The following CLSTN2 variants were observed in gnomAD, a reference collection of about 807,000 sequenced individuals.
CLSTN2 encodes the protein calsyntenin 2, also known as calsyntenin-2.
CLSTN2 carries 48 observed loss-of-function variants against 101.2 expected under a neutral mutation model. That is an observed-to-expected ratio of 0.47 (90% CI 0.38 to 0.60). The LOEUF is 0.60. Among genes scored for constraint, CLSTN2 ranks in the 20% least tolerant of loss-of-function variants. The pLI, the probability that CLSTN2 is intolerant of heterozygous loss-of-function variation, is 0.00. For synonymous variants in CLSTN2, 481 were observed against 463.6 expected (o/e 1.04, Z -0.48); for missense variants, 1,160 against 1,238.2 (o/e 0.94, Z 0.95).
At chr3:140,237,440 T>C (rs140300912) in intron 2 of CLSTN2, among the ~76,000 whole-genome samples, 268 of 152,278 alleles carry the variant, frequency 1.8e-3, no homozygotes, top group Non-Finnish European at 3.2e-3. Context: ...TGATCAGAGC[T>C]CAAGGACTTG....
At chr3:140,355,592 C>A (rs139935851) in intron 2 of CLSTN2, among the ~76,000 whole-genome samples, 22 of 152,280 alleles carry the variant, frequency 1.4e-4, no homozygotes, top group Non-Finnish European at 2.9e-4. Flanking sequence ...ATTGGAGCAT[C>A]CCAGGAAGTG....
intron 1 of CLSTN2, among the ~76,000 whole-genome samples, chr3:140,080,919 A>G (rs992516635): frequency 2.6e-5 from 4 of 152,278 alleles, no homozygotes; most frequent in Admixed American, 1.3e-4. Flanking sequence ...CTTACCAGCT[A>G]TGGGACACTG....
At chr3:140,096,963 G>A (rs901904840) in intron 1 of CLSTN2, among the ~76,000 whole-genome samples, 2 of 152,110 alleles carry the variant, frequency 1.3e-5, no homozygotes, top group Non-Finnish European at 2.9e-5. Flanking sequence ...AACTCTGAGT[G>A]GGCAAATTCC....
intron 1 of CLSTN2, among the ~76,000 whole-genome samples, chr3:140,027,901 T>C (rs745495165): frequency 6.6e-6 from 1 of 152,236 alleles, no homozygotes; most frequent in Non-Finnish European, 1.5e-5. Flanking sequence ...TTGGGGATAC[T>C]GGTTTGCCAC....
At chr3:140,017,375 G>A (rs2007222699) in intron 1 of CLSTN2, among the ~76,000 whole-genome samples, 1 of 152,242 alleles carries the variant, frequency 6.6e-6, no homozygotes, top group African/African-American at 2.4e-5. Flanking sequence ...TTGAAAGCAA[G>A]GAGAATGGGT....
intron 2 of CLSTN2, among the ~76,000 whole-genome samples, chr3:140,346,795 G>T (rs2087550930): frequency 6.6e-6 from 1 of 152,190 alleles, no homozygotes; most frequent in African/African-American, 2.4e-5. Flanking sequence ...TGGGAGGAGT[G>T]TGGGAATGGA....
chr3:140,085,119 T>A (rs1174249228), intron 1 of CLSTN2, among the ~76,000 whole-genome samples: 1 of 152,238 alleles, frequency 6.6e-6, no homozygotes, highest in African/African-American at 2.4e-5. Flanking sequence ...GCACAGTTAA[T>A]TGAGGGTTGA....
At chr3:140,173,190 C>T (rs1354397307) in intron 1 of CLSTN2, among the ~76,000 whole-genome samples, 9 of 152,168 alleles carry the variant, frequency 5.9e-5, no homozygotes, top group Non-Finnish European at 1.2e-4. Context: ...TAAATACAAC[C>T]GTTCCAAATG....
intron 1 of CLSTN2, among the ~76,000 whole-genome samples, chr3:140,067,888 G>GT (rs1200349390): frequency 6.6e-6 from 1 of 152,136 alleles, no homozygotes; most frequent in African/African-American, 2.4e-5. Flanking sequence ...TGTGCATTAG[G>GT]TTACTGTCTC....
intron 4 of CLSTN2, among the ~76,000 whole-genome samples, chr3:140,417,543 C>T (rs1244210317): frequency 1.1e-4 from 17 of 151,884 alleles, no homozygotes; most frequent in African/African-American, 2.9e-4. Context: ...CCCCACTCTC[C>T]GAGTTTAAAA....
At chr3:140,186,653 A>G (rs999542476) in intron 2 of CLSTN2, among the ~76,000 whole-genome samples, 2 of 152,274 alleles carry the variant, frequency 1.3e-5, no homozygotes, top group African/African-American at 2.4e-5. Context: ...TTACTTCTTT[A>G]TGAGCTATCC....
At chr3:140,312,076 A>T (rs1330239667) in intron 2 of CLSTN2, among the ~76,000 whole-genome samples, 1 of 152,184 alleles carries the variant, frequency 6.6e-6, no homozygotes. Context: ...CATGCAGTAT[A>T]GGGATATCTT....
At chr3:140,000,210 T>C (rs1035261072) in intron 1 of CLSTN2, among the ~76,000 whole-genome samples, 2 of 152,166 alleles carry the variant, frequency 1.3e-5, no homozygotes, top group Non-Finnish European at 2.9e-5. Context: ...GTGTAAAAGG[T>C]TCCTGACATA....
At chr3:140,485,579 C>T (rs546258707) in intron 8 of CLSTN2, among the ~76,000 whole-genome samples, 1 of 152,174 alleles carries the variant, frequency 6.6e-6, no homozygotes, top group Non-Finnish European at 1.5e-5. Flanking sequence ...GCAGGCAGGC[C>T]TCCTTGAGCT....
chr3:140,244,997 G>T (rs998379206), intron 2 of CLSTN2, among the ~76,000 whole-genome samples: 1 of 152,216 alleles, frequency 6.6e-6, no homozygotes, highest in Non-Finnish European at 1.5e-5. Flanking sequence ...GGAAGTGGAG[G>T]TGTGCACAGT....
At chr3:140,133,621 T>G (rs1560104995) in intron 1 of CLSTN2, among the ~76,000 whole-genome samples, 1 of 152,030 alleles carries the variant, frequency 6.6e-6, no homozygotes, top group African/African-American at 2.4e-5. Flanking sequence ...ATTGCAGAGG[T>G]GGGGGGGCCA....
At chr3:140,386,892 G>T (rs1246531135) in intron 2 of CLSTN2, among the ~76,000 whole-genome samples, 1 of 152,166 alleles carries the variant, frequency 6.6e-6, no homozygotes, top group South Asian at 2.1e-4. Context: ...TGGAGTATGC[G>T]CCTGTGCCCT....
chr3:140,551,016 C>T (rs1166960953), intron 10 of CLSTN2, among the ~76,000 whole-genome samples: 4 of 152,006 alleles, frequency 2.6e-5, no homozygotes, highest in Admixed American at 2.0e-4. Flanking sequence ...CCCTACTTCT[C>T]ACAACAAATT....
chr3:140,404,408 A>C lies in CLSTN2; in HGVS notation c.429-150A>C, dbSNP rs559321813. ...AAGTAGAGAGTCTCCAGTGAGAGGG[A>C]GGATGGGACACTCAGACAACTGCCA... is the stretch of plus-strand genomic sequence containing the variant. On this transcript the variant is annotated intron_variant, in intron 3 of 16. Transcript: ENST00000458420. 7.4e-6 allele frequency: 5 copies of C among 673,228 alleles called. No individual in the cohort carries two copies. In the South Asian group the frequency reaches 8.9e-5, roughly 12 times the overall value. 41.7% of individuals were successfully genotyped at this position (673,228 alleles called of 1,614,324 possible).
Sources: allele counts gnomAD v4.1 joint callset (sites outside exome capture counted in the v4.1 genomes callset), GRCh38; gene constraint gnomAD v4.1.1; transcripts MANE v1.5; gene names NCBI Gene and HGNC (gene_info 2026-07-23, HGNC 2026-07-21).